The following GATA4 variants were observed in gnomAD, a reference collection of about 807,000 sequenced individuals.
The protein encoded by GATA4 is GATA binding protein 4, also known as transcription factor GATA-4.
GATA4 carries 7 observed loss-of-function variants against 37.9 expected under a neutral mutation model. The ratio of observed to expected loss-of-function variants is 0.18; its 90% CI spans 0.11 to 0.35. The LOEUF (loss-of-function observed/expected upper bound fraction) is 0.35, where lower values mean the gene tolerates loss of function less well. GATA4 is among the 10% of genes least tolerant of loss of function. GATA4 has a pLI of 1.00. For missense variants in GATA4, 647 were observed against 653.0 expected (o/e 0.99, Z 0.10); for synonymous variants, 372 against 292.6 (o/e 1.27, Z -2.77).
At chr8:11,717,324 C>T (rs990229604) in intron 2 of GATA4, among the ~76,000 whole-genome samples, 11 of 152,176 alleles carry the variant, frequency 7.2e-5, no homozygotes, top group South Asian at 4.1e-4. Context: ...AACTTTTTAG[C>T]GAGAGTAGCC....
chr8:11,680,641 G>A (rs1424039710), intron 1 of GATA4: 4 of 985,288 alleles, frequency 4.1e-6, no homozygotes, highest in Non-Finnish European at 3.6e-6. Context: ...GCCTGGCGCT[G>A]CTGGGAACGT....
At chr8:11,756,296 AT>A (rs1802565695) in intron 5 of GATA4, among the ~76,000 whole-genome samples, 1 of 152,152 alleles carries the variant, frequency 6.6e-6, no homozygotes, top group African/African-American at 2.4e-5. Context: ...TGGCAGGCAT[AT>A]TTCCTACTGG....
intron 1 of GATA4, among the ~76,000 whole-genome samples, chr8:11,696,941 A>G (rs1799525779): frequency 6.6e-6 from 1 of 152,194 alleles, no homozygotes; most frequent in African/African-American, 2.4e-5. Context: ...GCATCTGCAG[A>G]GACTTCCTGG....
chr8:11,758,570 GCCTGGTAA>G lies in GATA4; in HGVS notation c.*96_*103del. The G allele has an allele frequency of 5.1e-6, 6 of 1,179,620 alleles. No homozygotes were observed. The highest frequency in any genetic ancestry group is 7.6e-6 in the Non-Finnish European group (6 of 790,440). 73.1% of individuals were successfully genotyped at this position (1,179,620 alleles called of 1,614,324 possible). A position where few individuals can be genotyped will look rare whatever the true frequency, so the allele number is the denominator to read the frequency against. On this transcript the variant is annotated 3_prime_UTR_variant, in exon 7 of 7. Coordinates refer to ENST00000532059, the MANE Select transcript of GATA4 (RefSeq NM_001308093.3). ...GGGCTCCCAGGGGCCGGCCTCCTCT[GCCTGGTAA>G]TGACTCCAGAACAACAACTGGGAAG...
chr8:11,735,482 C>G (rs375513899), intron 2 of GATA4, among the ~76,000 whole-genome samples: 2 of 152,332 alleles, frequency 1.3e-5, no homozygotes, highest in African/African-American at 4.8e-5. Context: ...TCTGGAAAAA[C>G]AGGAAAATTG....
At chr8:11,701,789 A>G (rs1435848797), upstream of GATA4, among the ~76,000 whole-genome samples, 1 of 137,510 alleles carries the variant, frequency 7.3e-6, no homozygotes, top group African/African-American at 2.7e-5. Context: ...TTCCTGGGTC[A>G]GGGGATCCCA....
At chr8:11,717,908 CA>C (rs925991875) in intron 2 of GATA4, among the ~76,000 whole-genome samples, 2 of 152,194 alleles carry the variant, frequency 1.3e-5, no homozygotes, top group African/African-American at 4.8e-5. Context: ...AGAGACTTCC[CA>C]GGATTCAGAC....
chr8:11,679,988 G>A (rs896642700), intron 1 of GATA4, among the ~76,000 whole-genome samples: 14 of 152,248 alleles, frequency 9.2e-5, no homozygotes, highest in Admixed American at 9.2e-4. Context: ...ATGATGAGAA[G>A]AAAGAAAGAT....
chr8:11,724,566 C>G (rs1039294131), intron 2 of GATA4, among the ~76,000 whole-genome samples: 2 of 152,204 alleles, frequency 1.3e-5, no homozygotes, highest in South Asian at 4.1e-4. Flanking sequence ...TCCTGAAACC[C>G]GCCCTGTGTT....
At chr8:11,754,350 G>A (rs1255381522) in intron 4 of GATA4, among the ~76,000 whole-genome samples, 1 of 152,148 alleles carries the variant, frequency 6.6e-6, no homozygotes, top group Non-Finnish European at 1.5e-5. Flanking sequence ...CTGAGTAGCT[G>A]GGACTACAGG....
Position 11,758,082 on chromosome 8 carries a change from C to T in GATA4, c.1150-211C>T, listed in dbSNP as rs546145072. Among the ~76,000 whole-genome samples the T allele has an allele frequency of 2.6e-5, 4 of 152,342 alleles. No homozygotes were observed. In the East Asian group the frequency reaches 7.7e-4, roughly 29 times the overall value. ...ACCGGGTCATAGCCCTGGTTGTATA[C>T]TGTGCTCAGAAGCAGCTGATGCATC... On this transcript the variant is annotated intron_variant, in intron 6 of 6. Transcript: ENST00000532059.
chr8:11,690,953 C>T (rs183171299), upstream of GATA4, among the ~76,000 whole-genome samples: 24 of 152,328 alleles, frequency 1.6e-4, no homozygotes, highest in African/African-American at 5.5e-4. Flanking sequence ...TTTTTGAGTT[C>T]TGCAGTCAAC....
Position 11,707,294 on chromosome 8 carries a change from T to G in GATA4, c.-457-562T>G, listed in dbSNP as rs934842069. Among the ~76,000 whole-genome samples the G allele has an allele frequency of 6.6e-6, 1 of 151,572 alleles. No homozygotes were observed. Among genetic ancestry groups the G allele is most frequent in the African/African-American group, 2.4e-5 (1 of 41,138 alleles). On this transcript the variant is annotated intron_variant, in intron 1 of 6. Coordinates refer to ENST00000532059, the MANE Select transcript of GATA4 (RefSeq NM_001308093.3). The surrounding 1 kb of genome is among the most constrained non-coding windows in gnomAD (Gnocchi z 4.7). ...CTTAGCAGACACCGTTGTTCACTTA[T>G]AAACATTTGGACTCTACTTCTGGTT...
At chr8:11,706,404 T>C (rs1799892167) in intron 1 of GATA4, among the ~76,000 whole-genome samples, 1 of 152,234 alleles carries the variant, frequency 6.6e-6, no homozygotes, top group South Asian at 2.1e-4. Context: ...AACTGTTATT[T>C]AGAACTTTCT....
intron 4 of GATA4, among the ~76,000 whole-genome samples, chr8:11,753,599 G>C (rs1802409145): frequency 6.6e-6 from 1 of 152,020 alleles, no homozygotes; most frequent in African/African-American, 2.4e-5. Flanking sequence ...AGGGGGATGG[G>C]GTGGGGGAGG....
In GATA4 at chr8:11,709,819, A is replaced by C. The variant is rs1800091690; in HGVS notation, c.616+891A>C. Among the ~76,000 whole-genome samples, 1 of 152,150 alleles carries C rather than the reference A, an allele frequency of 6.6e-6. No homozygotes were observed. The highest frequency in any genetic ancestry group is 6.5e-5 in the Admixed American group (1 of 15,282). Reference sequence around the variant, plus strand: ...CCTCCACTGATTCACAAATAAACGCAGCGGGATCTGAGAAGGGGCCTGAGT... The same window carrying C: ...CCTCCACTGATTCACAAATAAACGCCGCGGGATCTGAGAAGGGGCCTGAGT... On this transcript the variant is annotated intron_variant, in intron 2 of 6. Transcript: ENST00000532059. This position sits in a 1 kb window ranked among gnomAD's most constrained non-coding sequence, Gnocchi z 4.3.
chr8:11,677,287 A>C (rs1246983709), intron 1 of GATA4, among the ~76,000 whole-genome samples: 4 of 152,152 alleles, frequency 2.6e-5, no homozygotes, highest in Non-Finnish European at 5.9e-5. Flanking sequence ...AGGCTCTGTG[A>C]AGGCCAGGCC....
chr8:11,758,760 C>A lies in GATA4; in HGVS notation c.*285C>A. 1 of 478,644 alleles carries A rather than the reference C, an allele frequency of 2.1e-6. No homozygotes were observed. 29.6% of individuals were successfully genotyped at this position (478,644 alleles called of 1,614,324 possible). A position where few individuals can be genotyped will look rare whatever the true frequency, so the allele number is the denominator to read the frequency against. On this transcript the variant is annotated 3_prime_UTR_variant, in exon 7 of 7. Coordinates refer to ENST00000532059, the MANE Select transcript of GATA4 (RefSeq NM_001308093.3). ...CTTCTTTCCCAAGATGTCCTTGTCC[C>A]CTGCGTTCCCCACTGTGGCCTAGAC...
At chr8:11,701,531 G>T (rs1799676400), upstream of GATA4, among the ~76,000 whole-genome samples, 1 of 152,146 alleles carries the variant, frequency 6.6e-6, no homozygotes, top group Non-Finnish European at 1.5e-5. Flanking sequence ...AATGCTCCCC[G>T]CTCCTGGCAA....
Sources: allele counts gnomAD v4.1 joint callset (sites outside exome capture counted in the v4.1 genomes callset), GRCh38; gene constraint gnomAD v4.1.1; non-coding constraint Gnocchi (gnomAD v3.1); transcripts MANE v1.5; gene names NCBI Gene and HGNC (gene_info 2026-07-23, HGNC 2026-07-21).